The following PTPRG variants were observed in gnomAD, a reference collection of about 807,000 sequenced individuals.
PTPRG encodes receptor-type tyrosine-protein phosphatase gamma.
A neutral mutation model predicts 165.3 loss-of-function variants in PTPRG; 102 were observed. The observed-to-expected ratio is 0.62, with a 90% confidence interval of 0.53 to 0.73. PTPRG has a LOEUF of 0.73. PTPRG is among the 30% of genes least tolerant of loss of function. The pLI is 0.00. For missense variants in PTPRG, 1,866 were observed against 1,861.4 expected (o/e 1.00, Z -0.05); for synonymous variants, 675 against 669.5 (o/e 1.01, Z -0.13).
At chr3:62,286,291 G>A (rs895647453) in intron 28 of PTPRG, among the ~76,000 whole-genome samples, 7 of 152,010 alleles carry the variant, frequency 4.6e-5, no homozygotes, top group Non-Finnish European at 7.4e-5. Flanking sequence ...CTTTCATGTT[G>A]TCTTCTTCCC....
intron 2 of PTPRG, among the ~76,000 whole-genome samples, chr3:61,817,064 A>G (rs2035794349): frequency 7.5e-6 from 1 of 133,822 alleles, no homozygotes; most frequent in Admixed American, 8.7e-5. Flanking sequence ...TATAATATAT[A>G]ATACATATAT....
intron 6 of PTPRG, among the ~76,000 whole-genome samples, chr3:62,150,171 G>A (rs1237565787): frequency 6.6e-6 from 1 of 152,198 alleles, no homozygotes; most frequent in Non-Finnish European, 1.5e-5. Flanking sequence ...AACAGCTGCA[G>A]AACATTTGGT....
chr3:61,689,883 C>G (rs1308689299), intron 1 of PTPRG, among the ~76,000 whole-genome samples: 1 of 152,200 alleles, frequency 6.6e-6, no homozygotes, highest in Non-Finnish European at 1.5e-5. Flanking sequence ...TTATTTCCTA[C>G]TAGACGCATT....
At chr3:62,111,596 C>T (rs1261777111) in intron 5 of PTPRG, among the ~76,000 whole-genome samples, 7 of 152,104 alleles carry the variant, frequency 4.6e-5, no homozygotes, top group African/African-American at 7.2e-5. Context: ...ACTACAGGCA[C>T]GCATCACCAA....
chr3:61,923,476 A>G (rs1156972883), intron 2 of PTPRG, among the ~76,000 whole-genome samples: 1 of 151,920 alleles, frequency 6.6e-6, no homozygotes, highest in African/African-American at 2.4e-5. Context: ...TTACATACGT[A>G]TACATGTGCC....
chr3:62,257,694 C>A (rs976860282), intron 16 of PTPRG, among the ~76,000 whole-genome samples: 2 of 152,170 alleles, frequency 1.3e-5, no homozygotes, highest in Non-Finnish European at 2.9e-5. Flanking sequence ...GTGGCTCACA[C>A]CTGTAATCCC....
intron 4 of PTPRG, among the ~76,000 whole-genome samples, chr3:62,032,600 G>A (rs1261916593): frequency 6.6e-6 from 1 of 152,006 alleles, no homozygotes; most frequent in East Asian, 1.9e-4. Context: ...TAGTGAAGAC[G>A]TTTTCCTTGA....
chr3:61,650,587 G>C (rs1702323399), intron 1 of PTPRG, among the ~76,000 whole-genome samples: 1 of 152,164 alleles, frequency 6.6e-6, no homozygotes. Flanking sequence ...TAAGAAAGAA[G>C]TTTTGTGTTT....
At chr3:61,600,184 A>ATGTGTGTGTGTGTGTGTGTGTG (rs1475629585) in intron 1 of PTPRG, among the ~76,000 whole-genome samples, 2 of 97,364 alleles carry the variant, frequency 2.1e-5, no homozygotes, top group African/African-American at 3.6e-5. Context: ...ATATATATAT[A>ATGTGTGTGTGTGTGTGTGTGTG]TATATATATG....
intron 15 of PTPRG, among the ~76,000 whole-genome samples, chr3:62,244,433 G>A (rs1340515819): frequency 3.9e-5 from 6 of 152,174 alleles, no homozygotes; most frequent in Non-Finnish European, 8.8e-5. Context: ...TAGAAGTTCA[G>A]CAGTGGGTTA....
intron 26 of PTPRG, among the ~76,000 whole-genome samples, chr3:62,279,096 G>C (rs1346553930): frequency 6.6e-6 from 1 of 151,996 alleles, no homozygotes; most frequent in Admixed American, 6.6e-5. Context: ...CTGAGATGGA[G>C]AGTTTCATCA....
chr3:61,613,921 A>C (rs377460877), intron 1 of PTPRG, among the ~76,000 whole-genome samples: 10 of 152,314 alleles, frequency 6.6e-5, no homozygotes, highest in African/African-American at 2.4e-4. Context: ...TGATCCTCAC[A>C]TCCTGTTGGT....
intron 8 of PTPRG, among the ~76,000 whole-genome samples, chr3:62,188,455 G>T (rs1372112366): frequency 6.6e-6 from 1 of 152,172 alleles, no homozygotes; most frequent in African/African-American, 2.4e-5. Flanking sequence ...ACTTTCACAT[G>T]TATATAAAGA....
chr3:61,960,670 TG>T, intron 2 of PTPRG, among the ~76,000 whole-genome samples: 1 of 152,100 alleles, frequency 6.6e-6, no homozygotes, highest in Non-Finnish European at 1.5e-5. Context: ...GGTTTTTTGA[TG>T]AGTAGGTTAG....
intron 4 of PTPRG, among the ~76,000 whole-genome samples, chr3:62,057,415 G>C (rs1196759226): frequency 6.6e-6 from 1 of 152,224 alleles, no homozygotes; most frequent in African/African-American, 2.4e-5. Flanking sequence ...TCTGTAGGCT[G>C]CCTTGTGGGA....
In PTPRG at chr3:62,080,061, C is replaced by CTTTTTTTTTTTTTTTTTT. The variant is rs774262138; in HGVS notation, c.615+1803_615+1804insTTTTTTTTTTTTTTTTTT. On this transcript the variant is annotated intron_variant, in intron 5 of 29. Transcript: ENST00000474889. ...GAGTTCTGTCTGGACCCCTTCGGTT[C>CTTTTTTTTTTTTTTTTTT]ATTTTTTTTTTTTTTTTTTTTGAGA... 1.8e-5 allele frequency among the ~76,000 whole-genome samples: 2 copies of CTTTTTTTTTTTTTTTTTT among 111,568 alleles called. 1 individual carries two copies. The allele number at this position is 111,568 out of a possible 152,430, so 73.2% of individuals were successfully genotyped here.
Position 62,269,060 on chromosome 3 carries a change from CAG to C in PTPRG, c.2904_2905del (p.Asn969GlnfsTer2). On this transcript the variant is annotated frameshift_variant, in exon 20 of 30. Transcript: ENST00000474889. LOFTEE classifies it high-confidence loss of function. Reference sequence around the variant, plus strand: ...CGAAAATGTGATCAGTATTGGCCAACAGAGAACAGTGAGGAATATGGAAACAT... The same window carrying C: ...CGAAAATGTGATCAGTATTGGCCAACAGAACAGTGAGGAATATGGAAACAT... The C allele has an allele frequency of 6.2e-7, 1 of 1,600,416 alleles. No individual in the cohort carries two copies. Among genetic ancestry groups the C allele is most frequent in the Non-Finnish European group, 8.5e-7 (1 of 1,169,936 alleles).
chr3:61,836,169 T>G (rs1330025293), intron 2 of PTPRG, among the ~76,000 whole-genome samples: 1 of 151,956 alleles, frequency 6.6e-6, no homozygotes, highest in East Asian at 1.9e-4. Flanking sequence ...TACAGCTATG[T>G]GTAGGAATCA....
At chr3:62,220,178 A>G (rs1164911800) in intron 13 of PTPRG, among the ~76,000 whole-genome samples, 1 of 152,250 alleles carries the variant, frequency 6.6e-6, no homozygotes, top group Non-Finnish European at 1.5e-5. Context: ...GTAAGGTGGC[A>G]GAAAAGGGTA....
Sources: allele counts gnomAD v4.1 joint callset (sites outside exome capture counted in the v4.1 genomes callset), GRCh38; gene constraint gnomAD v4.1.1; transcripts MANE v1.5; gene names NCBI Gene and HGNC (gene_info 2026-07-23, HGNC 2026-07-21).